C17orf75: variants seen among roughly 807,000 people sequenced by gnomAD.
C17orf75 encodes protein Njmu-R1.
C17orf75 carries 32 observed loss-of-function variants against 49.6 expected under a neutral mutation model. That is an observed-to-expected ratio of 0.65 (90% CI 0.49 to 0.87). C17orf75 has a LOEUF of 0.87. Among genes scored for constraint, C17orf75 ranks in the 40% least tolerant of loss-of-function variants. C17orf75 has a pLI of 0.00. For synonymous variants in C17orf75, 158 were observed against 159.5 expected (o/e 0.99, Z 0.07); for missense variants, 428 against 473.9 (o/e 0.90, Z 0.90).
chr17:32,333,112 C>T (rs139328129), intron 9 of C17orf75, among the ~76,000 whole-genome samples: 245 of 152,048 alleles, frequency 1.6e-3, no homozygotes, highest in South Asian at 3.5e-3. Context: ...CGCCCAGCCC[C>T]CATCAGAATT....
At chr17:32,342,661 C>G (rs1404357125), upstream of C17orf75, among the ~76,000 whole-genome samples, 1 of 152,226 alleles carries the variant, frequency 6.6e-6, no homozygotes, top group Non-Finnish European at 1.5e-5. Flanking sequence ...AAAGGCCGGG[C>G]ACGGTGGCTC....
At position 32,331,361 on chromosome 17, in the gene C17orf75, ATT is replaced by A. The variant is rs11298787; in HGVS notation, c.*400_*401del. On this transcript the variant is annotated 3_prime_UTR_variant, in exon 10 of 10. Transcript: ENST00000577809. The stretch of plus-strand genomic sequence containing the variant: ...TAATCTGTTCTAAGACTAGAATTAC[ATT>A]TTTTTTTTTAAGAAGCTACAGTCCA... 4.1e-4 allele frequency: 71 copies of A among 174,538 alleles called. No homozygotes were observed. Among genetic ancestry groups the A allele is most frequent in the South Asian group, 5.2e-4 (4 of 7,754 alleles). 10.8% of individuals were successfully genotyped at this position (174,538 alleles called of 1,614,324 possible).
Position 32,337,891 on chromosome 17 carries a change from C to G in C17orf75, c.549+6G>C. 6.2e-7 allele frequency: 1 copy of G among 1,601,646 alleles called. No individual in the cohort carries two copies. The highest frequency in any genetic ancestry group is 8.5e-7 in the Non-Finnish European group (1 of 1,173,142). On this transcript the variant is annotated splice_donor_region_variant and intron_variant, in intron 5 of 9. Coordinates refer to ENST00000577809, the MANE Select transcript of C17orf75 (RefSeq NM_022344.4). ...TCTTTAAAAACCATTAAGTCAGTCACCTTACCTCACAATTCATGTTATTTT... is the reference window on the plus strand; with the variant it reads ...TCTTTAAAAACCATTAAGTCAGTCAGCTTACCTCACAATTCATGTTATTTT...
At chr17:32,334,095 T>A (rs141778740) in intron 8 of C17orf75, among the ~76,000 whole-genome samples, 21 of 152,358 alleles carry the variant, frequency 1.4e-4, no homozygotes, top group African/African-American at 5.0e-4. Context: ...GTAGCTCTAG[T>A]TCATTCTTTT....
chr17:32,332,294 C>T (rs1337524208), intron 9 of C17orf75, among the ~76,000 whole-genome samples: 1 of 152,098 alleles, frequency 6.6e-6, no homozygotes, highest in African/African-American at 2.4e-5. Context: ...AGGTGTGTGC[C>T]ACCACACCAG....
intron 5 of C17orf75, 64 bp from the exon 6 acceptor site, chr17:32,335,506 T>C (rs1018167646): frequency 2.5e-6 from 4 of 1,579,114 alleles, no homozygotes; most frequent in Non-Finnish European, 3.4e-6. Flanking sequence ...CTTCATATTT[T>C]CTTCATCATA....
At position 32,339,831 on chromosome 17, in the gene C17orf75, A is replaced by ACATT. The variant is rs1317106269; in HGVS notation, c.325_328dup (p.Val110GlufsTer24). ...CACTTACTTTAGCTCCACAGATGCA[A>ACATT]CATTACCCAGCCCTTCAAAGACTGC... On this transcript the variant is annotated frameshift_variant, in exon 3 of 10. Transcript: ENST00000577809. LOFTEE classifies it high-confidence loss of function. The ACATT allele has an allele frequency of 6.2e-7, 1 of 1,614,020 alleles. No individual in the cohort carries two copies. Among genetic ancestry groups the ACATT allele is most frequent in the East Asian group, 2.2e-5 (1 of 44,892 alleles).
chr17:32,337,448 G>GCTGTCTTTTAGA (rs1407796088), intron 5 of C17orf75, among the ~76,000 whole-genome samples: 3 of 151,464 alleles, frequency 2.0e-5, no homozygotes, highest in Non-Finnish European at 4.4e-5. Flanking sequence ...GGGCAACAAA[G>GCTGTCTTTTAGA]CAAGACCCTG....
chr17:32,338,610 C>T lies in C17orf75; in HGVS notation c.348-259G>A, dbSNP rs375578486. Among the ~76,000 whole-genome samples the T allele has an allele frequency of 4.6e-5, 7 of 152,226 alleles. No individual in the cohort carries two copies. The East Asian group carries it at 1.2e-3, about 25-fold the overall frequency. On this transcript the variant is annotated intron_variant, in intron 3 of 9. Coordinates refer to ENST00000577809, the MANE Select transcript of C17orf75 (RefSeq NM_022344.4). ...TCTCCTGTCTTATGTGAAAAATTCA[C>T]ACAAATTTCACTCTAGTTCATACCC...
intron 1 of C17orf75, 95 bp from the exon 2 acceptor site, chr17:32,341,379 T>TA: frequency 8.0e-7 from 1 of 1,248,326 alleles, no homozygotes; most frequent in Non-Finnish European, 1.2e-6. Context: ...AGGAGTCAAC[T>TA]AAAAATGCTG....
At chr17:32,339,733 C>T in intron 3 of C17orf75, 80 bp downstream of exon 3, 2 of 1,562,526 alleles carry the variant, frequency 1.3e-6, no homozygotes, top group South Asian at 2.4e-5. Context: ...CTAGTAGGAG[C>T]TGATCTTTTG....
chr17:32,341,106 G>A, intron 2 of C17orf75, 98 bp downstream of exon 2: 3 of 1,291,424 alleles, frequency 2.3e-6, no homozygotes, highest in Non-Finnish European at 3.3e-6. Context: ...TTGACTCAGG[G>A]AAAGCTCAGT....
At chr17:32,340,900 A>G (rs1410910207) in intron 2 of C17orf75, 1 of 294,894 alleles carries the variant, frequency 3.4e-6, no homozygotes, top group East Asian at 8.2e-5. Context: ...AGCCAAAGTC[A>G]TGCCACTGCA....
chr17:32,335,553 CT>C lies in C17orf75; in HGVS notation c.550-112del, dbSNP rs1397716688. ...GAAAAAGACCAGGATAGACACCTCC[CT>C]TTTTAAAGCTAACACCACCAATTCA... On this transcript the variant is annotated intron_variant, in intron 5 of 9. Transcript: ENST00000577809. 5 of 1,298,598 alleles carry C rather than the reference CT, an allele frequency of 3.9e-6. No homozygotes were observed. The African/African-American group carries it at 5.9e-5, about 15-fold the overall frequency. 80.4% of individuals were successfully genotyped at this position (1,298,598 alleles called of 1,614,324 possible).
upstream of C17orf75, among the ~76,000 whole-genome samples, chr17:32,346,127 AC>A (rs1277755964): frequency 6.6e-6 from 1 of 152,080 alleles, no homozygotes; most frequent in Non-Finnish European, 1.5e-5. Flanking sequence ...CTATAAACTC[AC>A]TACAACGAGA....
chr17:32,335,275 C>G (rs775941614), intron 6 of C17orf75, 48 bp downstream of exon 6: 2 of 1,601,744 alleles, frequency 1.2e-6, no homozygotes, highest in South Asian at 2.2e-5. Flanking sequence ...TCTAAATCAT[C>G]CAAAGTGATT....
At chr17:32,332,951 C>G (rs866518674) in intron 9 of C17orf75, among the ~76,000 whole-genome samples, 1 of 152,150 alleles carries the variant, frequency 6.6e-6, no homozygotes, top group Non-Finnish European at 1.5e-5. Context: ...GCCAGGATTA[C>G]AGGCATGCGC....
intron 1 of C17orf75, among the ~76,000 whole-genome samples, chr17:32,341,526 T>C (rs975913705): frequency 1.3e-5 from 2 of 152,082 alleles, no homozygotes; most frequent in African/African-American, 4.8e-5. Context: ...GAAACTCCTT[T>C]AAAAACCAAA....
intron 1 of C17orf75, among the ~76,000 whole-genome samples, chr17:32,349,689 C>T (rs995312274): frequency 3.9e-5 from 6 of 152,214 alleles, no homozygotes; most frequent in Admixed American, 2.0e-4. Flanking sequence ...TACAGCACTT[C>T]GCATTTCCCT....
Sources: gnomAD v4.1 joint callset for allele counts (sites outside exome capture counted in the v4.1 genomes callset) on GRCh38, gnomAD v4.1.1 for gene constraint, MANE v1.5 for transcripts, NCBI Gene and HGNC (gene_info 2026-07-23, HGNC 2026-07-21) for gene names.